BANK1: variants seen among roughly 807,000 people sequenced by gnomAD.
BANK1 encodes B cell scaffold protein with ankyrin repeats 1.
BANK1 carries 95 observed loss-of-function variants against 94.5 expected under a neutral mutation model. The observed-to-expected ratio is 1.00, with a 90% confidence interval of 0.85 to 1.19. BANK1 has a LOEUF of 1.19. BANK1 is among the 50% of genes most tolerant of loss of function. The probability of loss-of-function intolerance (pLI) is 0.00; values close to 1 mark genes in which losing one functional copy is unlikely to be tolerated. For synonymous variants in BANK1, 334 were observed against 308.4 expected (o/e 1.08, Z -0.87); for missense variants, 987 against 932.2 (o/e 1.06, Z -0.77).
chr4:101,796,742 A>G (rs1430392027), intron 1 of BANK1, among the ~76,000 whole-genome samples: 2 of 152,212 alleles, frequency 1.3e-5, no homozygotes, highest in Non-Finnish European at 2.9e-5. Context: ...TGTTTTGTTA[A>G]CAGGATATTT....
chr4:101,856,594 T>C (rs1055121203), intron 3 of BANK1, among the ~76,000 whole-genome samples: 1 of 152,178 alleles, frequency 6.6e-6, no homozygotes, highest in African/African-American at 2.4e-5. Flanking sequence ...TTTAAAAATA[T>C]CTGCAACAGT....
intron 5 of BANK1, among the ~76,000 whole-genome samples, chr4:101,878,898 A>G (rs1728581703): frequency 6.6e-6 from 1 of 152,148 alleles, no homozygotes; most frequent in East Asian, 1.9e-4. Flanking sequence ...AAATGTATTG[A>G]AACAAATGAT....
intron 13 of BANK1, among the ~76,000 whole-genome samples, chr4:102,068,921 C>T (rs939503885): frequency 6.6e-6 from 1 of 151,610 alleles, no homozygotes; most frequent in African/African-American, 2.4e-5. Context: ...ACTTGAAAAA[C>T]AAAACTTGCC....
chr4:101,950,059 G>T (rs1336052539), intron 7 of BANK1, among the ~76,000 whole-genome samples: 1 of 133,008 alleles, frequency 7.5e-6, no homozygotes, highest in African/African-American at 3.8e-5. Flanking sequence ...GTGTGTGTGT[G>T]TGCGCGTGCG....
intron 7 of BANK1, among the ~76,000 whole-genome samples, chr4:101,928,527 C>T (rs1382538889): frequency 6.6e-6 from 1 of 151,714 alleles, no homozygotes; most frequent in East Asian, 1.9e-4. Flanking sequence ...TAAGCAAGAA[C>T]ACTTCTCCCT....
At chr4:101,889,422 C>A (rs908662267) in intron 5 of BANK1, among the ~76,000 whole-genome samples, 2 of 151,550 alleles carry the variant, frequency 1.3e-5, no homozygotes, top group Non-Finnish European at 2.9e-5. Flanking sequence ...CAAGGTGAAA[C>A]CCCGTCTCTA....
chr4:101,822,082 T>C (rs1726173744), intron 1 of BANK1, among the ~76,000 whole-genome samples: 1 of 152,068 alleles, frequency 6.6e-6, no homozygotes, highest in African/African-American at 2.4e-5. Flanking sequence ...TGGCAAGGCG[T>C]GGTGGCTCAT....
At chr4:102,058,987 T>C (rs1205813811) in intron 11 of BANK1, among the ~76,000 whole-genome samples, 2 of 152,164 alleles carry the variant, frequency 1.3e-5, no homozygotes, top group Non-Finnish European at 2.9e-5. Context: ...AGAGGAACAC[T>C]ACAGGCCATT....
intron 11 of BANK1, among the ~76,000 whole-genome samples, chr4:102,052,455 TA>T (rs1728085052): frequency 6.6e-6 from 1 of 152,100 alleles, no homozygotes; most frequent in African/African-American, 2.4e-5. Flanking sequence ...GAAAAGTTCA[TA>T]AACTAAAACT....
Position 101,888,404 on chromosome 4 carries a change from C to A in BANK1, c.904-6901C>A, listed in dbSNP as rs184576715. 1.7e-4 allele frequency among the ~76,000 whole-genome samples: 26 copies of A among 152,290 alleles called. 1 individual carries two copies. The East Asian group carries it at 5.0e-3, about 29-fold the overall frequency. On this transcript the variant is annotated intron_variant, in intron 5 of 16. Coordinates refer to ENST00000322953, the MANE Select transcript of BANK1 (RefSeq NM_017935.5). ...CCCCCTCTCCCAGTACCCCTACCTC[C>A]CACACACATCACTTTCCTCCCTCTT...
intron 2 of BANK1, among the ~76,000 whole-genome samples, chr4:101,832,704 C>T (rs984529677): frequency 1.3e-5 from 2 of 152,178 alleles, no homozygotes; most frequent in African/African-American, 4.8e-5. Flanking sequence ...CATATCTGCA[C>T]TATATAATTG....
intron 1 of BANK1, among the ~76,000 whole-genome samples, chr4:101,797,505 A>C (rs748896670): frequency 2.0e-5 from 3 of 152,212 alleles, no homozygotes; most frequent in Non-Finnish European, 2.9e-5. Flanking sequence ...GAAGTTAGTG[A>C]ACAATTAGGG....
At chr4:101,888,632 G>A (rs746302701) in intron 5 of BANK1, among the ~76,000 whole-genome samples, 16 of 152,108 alleles carry the variant, frequency 1.1e-4, no homozygotes, top group South Asian at 2.1e-4. Context: ...GCCAATTTGC[G>A]TGTTACTGAA....
In BANK1 at chr4:101,855,049, T is replaced by C. The variant is rs138605463; in HGVS notation, c.484T>C (p.Phe162Leu). 7 of 1,611,242 alleles carry C rather than the reference T, an allele frequency of 4.3e-6. No individual in the cohort carries two copies. In the African/African-American group the frequency reaches 6.7e-5, roughly 15 times the overall value. The change falls in exon 3 of 17, where the codon TTT becomes CTT. Residue 162 changes from phenylalanine to leucine, a missense_variant. Phe to Leu is a conservative substitution (Grantham distance 22, BLOSUM62 0). Transcript: ENST00000322953. ...ATTTTCTCTAGATTCTGAAGACTAC[T>C]TTGAGGTCAACATTCCAACAGACCT... is the stretch of plus-strand genomic sequence containing the variant. ...SIIFKDSEDY[F>L]EVNIPTDLRA...
chr4:101,980,355 A>C (rs1343950191), intron 7 of BANK1, among the ~76,000 whole-genome samples: 2 of 151,806 alleles, frequency 1.3e-5, no homozygotes, highest in African/African-American at 2.4e-5. Flanking sequence ...CAATTGTCCC[A>C]AAAATTGCTA....
At chr4:102,000,248 G>A (rs1490856104) in intron 7 of BANK1, among the ~76,000 whole-genome samples, 5 of 134,182 alleles carry the variant, frequency 3.7e-5, no homozygotes, top group African/African-American at 1.0e-4. Context: ...GCTTGAACCC[G>A]GGAAGTGGAA....
chr4:101,831,506 G>A (rs774153589), intron 2 of BANK1, among the ~76,000 whole-genome samples: 7 of 151,972 alleles, frequency 4.6e-5, no homozygotes, highest in Admixed American at 2.0e-4. Context: ...ACAGAGTCTC[G>A]CTCTGTCATC....
At chr4:102,007,007 G>A (rs1432780003) in intron 7 of BANK1, among the ~76,000 whole-genome samples, 1 of 138,670 alleles carries the variant, frequency 7.2e-6, no homozygotes, top group Non-Finnish European at 1.5e-5. Flanking sequence ...GAGCTAGTGA[G>A]CAAGTCAGAA....
intron 7 of BANK1, among the ~76,000 whole-genome samples, chr4:102,011,170 A>C (rs1170691317): frequency 1.3e-5 from 2 of 152,220 alleles, no homozygotes; most frequent in Non-Finnish European, 2.9e-5. Context: ...GAACAAGGAA[A>C]ATTTCCCCAA....
Sources: gnomAD v4.1 joint callset for allele counts (sites outside exome capture counted in the v4.1 genomes callset) on GRCh38, gnomAD v4.1.1 for gene constraint, MANE v1.5 for transcripts, NCBI Gene and HGNC (gene_info 2026-07-23, HGNC 2026-07-21) for gene names.